DCC: variants seen among roughly 807,000 people sequenced by gnomAD.
DCC encodes the protein DCC netrin 1 receptor.
DCC carries 58 observed loss-of-function variants against 172.5 expected under a neutral mutation model. That is an observed-to-expected ratio of 0.34 (90% CI 0.27 to 0.42). The LOEUF is 0.42. Ranked by LOEUF, DCC falls within the 10% of genes least tolerant of loss-of-function variation. DCC has a pLI of 1.00. For missense variants in DCC, 1,740 were observed against 1,791.0 expected, an observed-to-expected ratio of 0.97 and a Z score of 0.51; for synonymous variants, 709 against 644.5, an observed-to-expected ratio of 1.10 and a Z score of -1.52.
chr18:52,424,679 T>G (rs971328902), intron 1 of DCC, among the ~76,000 whole-genome samples: 13 of 151,962 alleles, frequency 8.6e-5, no homozygotes, highest in Non-Finnish European at 1.9e-4. Flanking sequence ...AGTGCCACAT[T>G]TTTTCTAAAT....
At chr18:52,651,150 T>C (rs1313236034) in intron 1 of DCC, among the ~76,000 whole-genome samples, 2 of 152,204 alleles carry the variant, frequency 1.3e-5, no homozygotes, top group African/African-American at 2.4e-5. Context: ...CTGTGCATTT[T>C]TAAAAATTTG....
chr18:52,367,946 G>C (rs1414941718), intron 1 of DCC, among the ~76,000 whole-genome samples: 3 of 152,124 alleles, frequency 2.0e-5, no homozygotes, highest in Admixed American at 2.0e-4. Context: ...CTTCCTTTTT[G>C]TTTGGAGGGG....
chr18:52,727,428 A>G lies in DCC; in HGVS notation c.92-24626A>G, dbSNP rs912823070. ...GTTTCAACATGAAGCTGACAGTGTA[A>G]TGAATAACAGAGTTTCAGGATCCTG... On this transcript the variant is annotated intron_variant, in intron 1 of 28. Transcript: ENST00000442544. 2.0e-5 allele frequency among the ~76,000 whole-genome samples: 3 copies of G among 152,124 alleles called. No individual in the cohort carries two copies. In the East Asian group the frequency reaches 5.8e-4, roughly 29 times the overall value.
rs531322257 is a variant in DCC at position 53,213,522 on chromosome 18, C to T, written c.1862-2026C>T. Among the ~76,000 whole-genome samples the T allele has an allele frequency of 1.4e-3, 216 of 151,806 alleles. 1 individual carries two copies. The highest frequency in any genetic ancestry group is 4.9e-3 in the African/African-American group (203 of 41,406). On this transcript the variant is annotated intron_variant, in intron 11 of 28. Transcript: ENST00000442544. ...AGTTAACTGGGCGTGGTGGTGGGCA[C>T]CTGTAGTCCCAGCTACTTGGGAGGC...
intron 3 of DCC, among the ~76,000 whole-genome samples, chr18:52,916,006 G>GT (rs58497101): frequency 0.083 from 12,664 of 151,966 alleles, 934 homozygotes; most frequent in East Asian, 0.31. Flanking sequence ...TATCTTTTGA[G>GT]TTTTTTACCA....
intron 2 of DCC, among the ~76,000 whole-genome samples, chr18:52,880,842 T>C (rs997533820): frequency 2.0e-5 from 3 of 152,198 alleles, no homozygotes; most frequent in African/African-American, 7.2e-5. Context: ...GACATCTCTT[T>C]GTTATATTGA....
chr18:53,200,757 T>C (rs914558187), intron 9 of DCC, among the ~76,000 whole-genome samples: 3 of 152,128 alleles, frequency 2.0e-5, no homozygotes, highest in African/African-American at 4.8e-5. Context: ...CTCAGAGTCA[T>C]GGTCAGGTAA....
chr18:52,530,970 A>G (rs1218807364), intron 1 of DCC, among the ~76,000 whole-genome samples: 1 of 152,230 alleles, frequency 6.6e-6, no homozygotes, highest in Non-Finnish European at 1.5e-5. Context: ...ATAGAGACAA[A>G]CACTGAAATT....
intron 1 of DCC, among the ~76,000 whole-genome samples, chr18:52,406,555 C>T (rs1001334563): frequency 6.6e-6 from 1 of 152,098 alleles, no homozygotes; most frequent in Admixed American, 6.6e-5. Flanking sequence ...GGATAATGGG[C>T]TCCAGATTCT....
intron 2 of DCC, among the ~76,000 whole-genome samples, chr18:52,790,399 T>A (rs184280005): frequency 3.5e-4 from 53 of 152,258 alleles, no homozygotes; most frequent in African/African-American, 1.3e-3. Context: ...TAAACAATGA[T>A]CCTTGTTACC....
chr18:52,559,968 T>G (rs1427848636), intron 1 of DCC, among the ~76,000 whole-genome samples: 1 of 152,256 alleles, frequency 6.6e-6, no homozygotes, highest in East Asian at 1.9e-4. Flanking sequence ...TGGGAGCTTA[T>G]ACAGAAATGA....
chr18:53,284,379 G>A (rs1234868248), intron 12 of DCC, among the ~76,000 whole-genome samples: 1 of 152,098 alleles, frequency 6.6e-6, no homozygotes, highest in Admixed American at 6.5e-5. Flanking sequence ...GAATCATGGG[G>A]GTGGTCTTTC....
chr18:52,400,766 A>G (rs1986406112), intron 1 of DCC, among the ~76,000 whole-genome samples: 4 of 152,060 alleles, frequency 2.6e-5, no homozygotes, highest in Admixed American at 2.6e-4. Flanking sequence ...ATGCAGCCAT[A>G]AAAAGGATGA....
At chr18:52,990,323 C>T (rs1157662975) in intron 5 of DCC, among the ~76,000 whole-genome samples, 1 of 151,886 alleles carries the variant, frequency 6.6e-6, no homozygotes, top group African/African-American at 2.4e-5. Context: ...GGCAGATCAC[C>T]TGAGGTCAGG....
chr18:52,479,788 C>T (rs2144579978), intron 1 of DCC, among the ~76,000 whole-genome samples: 1 of 152,210 alleles, frequency 6.6e-6, no homozygotes, highest in South Asian at 2.1e-4. Context: ...ATGAAGACTT[C>T]CTACACTGAA....
intron 5 of DCC, among the ~76,000 whole-genome samples, chr18:53,028,163 A>G (rs1015371433): frequency 6.6e-6 from 1 of 152,134 alleles, no homozygotes; most frequent in African/African-American, 2.4e-5. Flanking sequence ...GGCACGTTCA[A>G]CTCAGACAAA....
chr18:52,621,613 T>C (rs566840621), intron 1 of DCC, among the ~76,000 whole-genome samples: 1 of 152,308 alleles, frequency 6.6e-6, no homozygotes, highest in Non-Finnish European at 1.5e-5. Context: ...AAGGAAATTA[T>C]ACTGCCCAAC....
chr18:52,569,383 G>GA (rs1463359731), intron 1 of DCC, among the ~76,000 whole-genome samples: 3 of 152,116 alleles, frequency 2.0e-5, no homozygotes, highest in African/African-American at 7.2e-5. Context: ...AACAGTGAAG[G>GA]AAAAAACTTG....
intron 1 of DCC, among the ~76,000 whole-genome samples, chr18:52,680,637 G>A (rs997720232): frequency 5.3e-5 from 8 of 152,094 alleles, no homozygotes; most frequent in Admixed American, 2.0e-4. Context: ...TTATCCCCAT[G>A]GAACAACACA....
Sources: gnomAD v4.1 joint callset for allele counts (sites outside exome capture counted in the v4.1 genomes callset) on GRCh38, gnomAD v4.1.1 for gene constraint, MANE v1.5 for transcripts, NCBI Gene and HGNC (gene_info 2026-07-23, HGNC 2026-07-21) for gene names.